The following TPD52L1 variants were observed in gnomAD, a reference collection of about 807,000 sequenced individuals.
TPD52L1 encodes tumor protein D53.
Under a neutral mutation model 28.7 loss-of-function variants are expected in TPD52L1, and 18 were observed. The observed-to-expected ratio is 0.63, with a 90% CI of 0.43 to 0.93. The LOEUF is 0.93. Ranked by LOEUF, TPD52L1 falls within the 40% of genes least tolerant of loss-of-function variation. The pLI, the probability that TPD52L1 is intolerant of heterozygous loss-of-function variation, is 0.00. For synonymous variants in TPD52L1, 75 were observed against 88.8 expected (o/e 0.84, Z 0.88); for missense variants, 203 against 254.8 (o/e 0.80, Z 1.39).
chr6:125,166,327 G>T (rs557300998), intron 1 of TPD52L1, among the ~76,000 whole-genome samples: 1 of 152,222 alleles, frequency 6.6e-6, no homozygotes, highest in South Asian at 2.1e-4. Flanking sequence ...TTTCCAAAAT[G>T]GACTCATTTC....
At position 125,251,457 on chromosome 6, in the gene TPD52L1, GA is replaced by G. The variant is rs558412424; in HGVS notation, c.387-2252del. ...CTAGAATTTGGGCCTTTTAATAGCT[GA>G]AAAAAAAGCTTTATGTTAAGATTTA... On this transcript the variant is annotated intron_variant, in intron 4 of 6. Coordinates refer to ENST00000534000, the MANE Select transcript of TPD52L1 (RefSeq NM_003287.4). Among the ~76,000 whole-genome samples the G allele has an allele frequency of 2.3e-3, 352 of 151,070 alleles. 1 individual carries two copies. The highest frequency in any genetic ancestry group is 8.2e-3 in the African/African-American group (336 of 41,054).
chr6:125,154,131 C>G, intron 1 of TPD52L1, 161 bp downstream of exon 1: 1 of 1,402,892 alleles, frequency 7.1e-7, no homozygotes, highest in African/African-American at 1.5e-5. Context: ...GCCTGCTGCC[C>G]AAACTCAGGA....
Position 125,155,305 on chromosome 6 carries a change from T to C in TPD52L1, c.19+1335T>C, listed in dbSNP as rs3778466. Reference sequence around the variant, plus strand: ...TTGCATATTAGAATTATTTAGAGAGTCTTCATTACTGGCCTTGGCCAACCC... The same window carrying C: ...TTGCATATTAGAATTATTTAGAGAGCCTTCATTACTGGCCTTGGCCAACCC... On this transcript the variant is annotated intron_variant, in intron 1 of 6. Transcript: ENST00000534000. Among the ~76,000 whole-genome samples the C allele has an allele frequency of 8.1e-4, 124 of 152,222 alleles. 1 individual carries two copies. In the East Asian group the frequency reaches 0.019, roughly 24 times the overall value.
intron 1 of TPD52L1, among the ~76,000 whole-genome samples, chr6:125,218,635 C>G (rs1457027844): frequency 6.6e-6 from 1 of 152,106 alleles, no homozygotes; most frequent in Non-Finnish European, 1.5e-5. Context: ...CTTTTTGTGT[C>G]TTAAGAAGTC....
At chr6:125,230,085 C>CA (rs200227245) in intron 3 of TPD52L1, among the ~76,000 whole-genome samples, 1,634 of 151,502 alleles carry the variant, frequency 0.011, 30 homozygotes, top group African/African-American at 0.037. Flanking sequence ...GACTCTGTCT[C>CA]AAAAAAAAGA....
chr6:125,239,756 A>G (rs1376221304), intron 3 of TPD52L1, among the ~76,000 whole-genome samples: 5 of 152,114 alleles, frequency 3.3e-5, no homozygotes, highest in Admixed American at 3.3e-4. Flanking sequence ...TCAGATGCAT[A>G]GTTTGCAAAG....
At chr6:125,203,807 C>T in intron 1 of TPD52L1, 1 of 985,292 alleles carries the variant, frequency 1.0e-6, no homozygotes, top group Non-Finnish European at 1.2e-6. Flanking sequence ...GTATTTCTGG[C>T]TTTCATTGTA....
At chr6:125,154,074 G>T in intron 1 of TPD52L1, 104 bp downstream of exon 1, 1 of 1,467,794 alleles carries the variant, frequency 6.8e-7, no homozygotes. Context: ...GATTGGTGCC[G>T]TGTTGCACAT....
At chr6:125,235,930 G>A (rs1796239921) in intron 3 of TPD52L1, among the ~76,000 whole-genome samples, 1 of 152,110 alleles carries the variant, frequency 6.6e-6, no homozygotes, top group Non-Finnish European at 1.5e-5. Context: ...GTAAAAATGT[G>A]GGGGGAAAAT....
rs541285663 is a variant in TPD52L1, at chr6:125,264,362, T to TA, written c.*1401dup. On this transcript the variant is annotated 3_prime_UTR_variant, in exon 7 of 7. Transcript: ENST00000534000. ...TTGTGTTTATTAAATAGAAGTGATA[T>TA]ATATGACATTTTGAAGTAAAGCACA... 6.6e-6 allele frequency: 1 copy of TA among 152,332 alleles called. No individual in the cohort carries two copies. The highest frequency in any genetic ancestry group is 2.4e-5 in the African/African-American group (1 of 41,572). 9.4% of individuals were successfully genotyped at this position (152,332 alleles called of 1,614,324 possible). A position where few individuals can be genotyped will look rare whatever the true frequency, so the allele number is the denominator to read the frequency against.
At chr6:125,204,048 A>G (rs924199216) in intron 1 of TPD52L1, among the ~76,000 whole-genome samples, 2 of 152,272 alleles carry the variant, frequency 1.3e-5, no homozygotes, top group East Asian at 1.9e-4. Flanking sequence ...ACTTGTCAGG[A>G]TGGCGGATAA....
rs528401114 is a variant in TPD52L1, at chr6:125,185,232, G to A, written c.19+31262G>A. Among the ~76,000 whole-genome samples, 6 of 152,246 alleles carry A rather than the reference G, an allele frequency of 3.9e-5. No individual in the cohort carries two copies. The South Asian group carries it at 1.2e-3, about 32-fold the overall frequency. On this transcript the variant is annotated intron_variant, in intron 1 of 6. Transcript: ENST00000534000. The stretch of plus-strand genomic sequence containing the variant: ...GTTTTATAGTGGTATATTTTAATGA[G>A]TAGATAGTAGATAACAGGTTAGGAC...
At chr6:125,158,498 C>T (rs919095059) in intron 1 of TPD52L1, among the ~76,000 whole-genome samples, 2 of 151,892 alleles carry the variant, frequency 1.3e-5, no homozygotes, top group Admixed American at 6.6e-5. Flanking sequence ...TCAGGAAGTA[C>T]ATAAGGCAGT....
chr6:125,168,888 T>G (rs1246168290), intron 1 of TPD52L1, among the ~76,000 whole-genome samples: 2 of 152,194 alleles, frequency 1.3e-5, no homozygotes, highest in African/African-American at 4.8e-5. Flanking sequence ...TTATGTATGT[T>G]TCAAACATAA....
intron 1 of TPD52L1, among the ~76,000 whole-genome samples, chr6:125,184,870 C>A (rs946028164): frequency 6.6e-6 from 1 of 151,878 alleles, no homozygotes; most frequent in Non-Finnish European, 1.5e-5. Context: ...AAATCAAGTG[C>A]ACCATTGCTA....
At chr6:125,234,875 T>C (rs1041204159) in intron 3 of TPD52L1, among the ~76,000 whole-genome samples, 4 of 151,992 alleles carry the variant, frequency 2.6e-5, no homozygotes, top group Non-Finnish European at 5.9e-5. Flanking sequence ...AAAGAATCAC[T>C]TGAGCTCACG....
intron 2 of TPD52L1, chr6:125,222,025 C>G (rs1582959214): frequency 6.6e-6 from 1 of 152,240 alleles, no homozygotes; most frequent in Non-Finnish European, 1.5e-5. Flanking sequence ...GATTTTTCTT[C>G]TTCACATTTC....
intron 1 of TPD52L1, among the ~76,000 whole-genome samples, chr6:125,191,607 G>T (rs1793047983): frequency 2.0e-5 from 3 of 152,112 alleles, no homozygotes; most frequent in Non-Finnish European, 4.4e-5. Context: ...TGGCTATCCT[G>T]GCATATAGTT....
intron 4 of TPD52L1, among the ~76,000 whole-genome samples, chr6:125,249,571 A>T (rs913386440): frequency 6.6e-6 from 1 of 151,650 alleles, no homozygotes; most frequent in African/African-American, 2.4e-5. Flanking sequence ...GTGTGCCTGT[A>T]GTCCCAGCTG....
Sources: gnomAD v4.1 joint callset for allele counts (sites outside exome capture counted in the v4.1 genomes callset) on GRCh38, gnomAD v4.1.1 for gene constraint, MANE v1.5 for transcripts, NCBI Gene and HGNC (gene_info 2026-07-23, HGNC 2026-07-21) for gene names.